Variants in REC114 observed in about 807,000 individuals in gnomAD.
REC114 encodes the protein REC114 meiotic recombination protein.
In REC114, 27 loss-of-function variants were observed where a neutral mutation model predicts 31.3. The ratio of observed to expected loss-of-function variants is 0.86; its 90% CI spans 0.64 to 1.19. REC114 has a LOEUF of 1.19. Among genes scored for constraint, REC114 ranks in the 50% most tolerant of loss-of-function variants. The pLI, the probability that REC114 is intolerant of heterozygous loss-of-function variation, is 0.00. For synonymous variants in REC114, 134 were observed against 127.7 expected (o/e 1.05, Z -0.33); for missense variants, 344 against 326.9 (o/e 1.05, Z -0.40).
At chr15:73,543,325 A>G (rs773981071) in intron 3 of REC114, among the ~76,000 whole-genome samples, 18 of 151,922 alleles carry the variant, frequency 1.2e-4, no homozygotes, top group Admixed American at 2.6e-4. Flanking sequence ...GTTATTGTCA[A>G]TGGTTTTTTT....
chr15:73,494,965 G>T (rs1378989473), intron 2 of REC114, among the ~76,000 whole-genome samples: 1 of 152,128 alleles, frequency 6.6e-6, no homozygotes, highest in Non-Finnish European at 1.5e-5. Context: ...CTTTTGTTTT[G>T]TTGCACTTAC....
At chr15:73,474,538 G>A (rs1893183115) in intron 2 of REC114, among the ~76,000 whole-genome samples, 2 of 152,046 alleles carry the variant, frequency 1.3e-5, no homozygotes, top group African/African-American at 4.8e-5. Flanking sequence ...AACATATAAG[G>A]GAAAGTTATT....
chr15:73,538,099 A>G (rs972066471), intron 2 of REC114, among the ~76,000 whole-genome samples: 7 of 152,076 alleles, frequency 4.6e-5, no homozygotes, highest in African/African-American at 1.7e-4. Context: ...GGAATTTTAA[A>G]TTTAATTTAA....
intron 1 of REC114, among the ~76,000 whole-genome samples, chr15:73,460,727 A>G (rs1351459340): frequency 1.3e-5 from 2 of 152,180 alleles, no homozygotes; most frequent in Non-Finnish European, 2.9e-5. Flanking sequence ...TTTAAAGGAT[A>G]CTTTAAACAT....
chr15:73,477,851 A>G (rs1287394893), intron 2 of REC114, among the ~76,000 whole-genome samples: 1 of 152,078 alleles, frequency 6.6e-6, no homozygotes, highest in African/African-American at 2.4e-5. Context: ...CTTCTTTCCC[A>G]CAATTAAAGC....
chr15:73,540,434 A>C, intron 2 of REC114, 51 bp from the exon 3 acceptor site: 1 of 1,228,848 alleles, frequency 8.1e-7, no homozygotes, highest in Non-Finnish European at 1.2e-6. Flanking sequence ...AGCCATAGCT[A>C]TTCTTCATAT....
At chr15:73,556,539 C>T (rs1894471096) in intron 5 of REC114, 148 bp downstream of exon 5, 2 of 664,510 alleles carry the variant, frequency 3.0e-6, no homozygotes, top group African/African-American at 1.8e-5. Context: ...GGGCCATTTT[C>T]ATCTACCCCT....
At chr15:73,518,143 G>T (rs747366318) in intron 2 of REC114, among the ~76,000 whole-genome samples, 1 of 152,230 alleles carries the variant, frequency 6.6e-6, no homozygotes, top group Non-Finnish European at 1.5e-5. Context: ...ATAATGAGCA[G>T]TTAAAGAAAT....
At chr15:73,447,142 G>A (rs1031813870) in intron 1 of REC114, among the ~76,000 whole-genome samples, 2 of 152,192 alleles carry the variant, frequency 1.3e-5, no homozygotes, top group Non-Finnish European at 2.9e-5. Flanking sequence ...GGAAACACTG[G>A]AGGAGGAACA....
At chr15:73,464,715 A>G (rs1165422855) in intron 1 of REC114, among the ~76,000 whole-genome samples, 3 of 152,138 alleles carry the variant, frequency 2.0e-5, no homozygotes, top group African/African-American at 7.2e-5. Flanking sequence ...CATGAGGTCC[A>G]CCAATTTCTA....
chr15:73,557,214 C>T (rs146555378), intron 5 of REC114, among the ~76,000 whole-genome samples: 6 of 151,786 alleles, frequency 4.0e-5, no homozygotes, highest in African/African-American at 9.7e-5. Context: ...GGATTACAGG[C>T]GTGTGCCACC....
chr15:73,536,117 C>G (rs1322584902), intron 2 of REC114, among the ~76,000 whole-genome samples: 1 of 151,998 alleles, frequency 6.6e-6, no homozygotes, highest in Non-Finnish European at 1.5e-5. Flanking sequence ...TAGGCATGGG[C>G]AAGGACTTCA....
chr15:73,521,190 C>A (rs1893931412), intron 2 of REC114, among the ~76,000 whole-genome samples: 1 of 152,122 alleles, frequency 6.6e-6, no homozygotes, highest in Non-Finnish European at 1.5e-5. Flanking sequence ...CTTCAACACA[C>A]CCCTCTCAAT....
chr15:73,475,367 C>G (rs1478224925), intron 2 of REC114, among the ~76,000 whole-genome samples: 1 of 152,142 alleles, frequency 6.6e-6, no homozygotes, highest in Non-Finnish European at 1.5e-5. Context: ...TGTCTCATCA[C>G]AACATATTAG....
chr15:73,443,402 T>C, intron 1 of REC114, 58 bp downstream of exon 1: 1 of 1,497,388 alleles, frequency 6.7e-7, no homozygotes, highest in African/African-American at 1.4e-5. Context: ...GAGGGGAGGC[T>C]CCGCGAATAC....
chr15:73,443,316 C>T lies in REC114; in HGVS notation c.131C>T (p.Ala44Val), dbSNP rs1892722897. Residue 44 changes from alanine to valine, a missense_variant, in exon 1 of 6, where the codon GCT becomes GTT. Ala to Val is a moderately conservative substitution (Grantham distance 64). Coordinates refer to ENST00000331090, the MANE Select transcript of REC114 (RefSeq NM_001042367.2). ...GACCCACCTGGGCCATGCCTGGAAG[C>T]TGGGACAGCCCCCTGCCCCACATGG... ...TRDPPGPCLE[A>V]GTAPCPTWKV... 4 of 1,582,530 alleles carry T rather than the reference C, an allele frequency of 2.5e-6. No homozygotes were observed. Among genetic ancestry groups the T allele is most frequent in the Non-Finnish European group, 3.4e-6 (4 of 1,165,550 alleles).
At chr15:73,507,642 C>CGT (rs1478870583) in intron 2 of REC114, among the ~76,000 whole-genome samples, 3 of 151,976 alleles carry the variant, frequency 2.0e-5, no homozygotes, top group African/African-American at 7.3e-5. Context: ...TATATGGGTA[C>CGT]ACATGTATGT....
rs189669919 is a variant in REC114, at chr15:73,447,551, G to T, written c.159+4207G>T. Among the ~76,000 whole-genome samples, 8 of 152,062 alleles carry T rather than the reference G, an allele frequency of 5.3e-5. No individual in the cohort carries two copies. The East Asian group carries it at 1.6e-3, about 30-fold the overall frequency. ...AACCCGAGGCTACTTGGGAGGCTGA[G>T]GCAGGAGAATCCCTTGAGCCTAGGA... On this transcript the variant is annotated intron_variant, in intron 1 of 5. Coordinates refer to ENST00000331090, the MANE Select transcript of REC114 (RefSeq NM_001042367.2).
chr15:73,509,555 T>C lies in REC114; in HGVS notation c.250-30930T>C, dbSNP rs1400415328. ...GAATGGAAATGCCTAGGTTTTCTTC[T>C]AGGGTTTTTATGGTTTTAGGTCTAA... On this transcript the variant is annotated intron_variant, in intron 2 of 5. Transcript: ENST00000331090. Among the ~76,000 whole-genome samples, 37 of 150,182 alleles carry C rather than the reference T, an allele frequency of 2.5e-4. No homozygotes were observed. In the East Asian group the frequency reaches 5.4e-3, roughly 22 times the overall value.
Sources: gnomAD v4.1 joint callset for allele counts (sites outside exome capture counted in the v4.1 genomes callset) on GRCh38, gnomAD v4.1.1 for gene constraint, MANE v1.5 for transcripts, NCBI Gene and HGNC (gene_info 2026-07-23, HGNC 2026-07-21) for gene names.